SCGB2B2: variants seen among roughly 807,000 people sequenced by gnomAD.
SCGB2B2 encodes the protein secretoglobin family 2B member 2, also known as secretoglobin-like protein.
SCGB2B2 carries 11 observed loss-of-function variants against 7.6 expected under a neutral mutation model. The ratio of observed to expected loss-of-function variants is 1.45; its 90% CI spans 0.91 to 2.40. SCGB2B2 has a LOEUF of 2.40. Among genes scored for constraint, SCGB2B2 ranks in the 30% most tolerant of loss-of-function variants. The pLI is 0.00. For missense variants in SCGB2B2, 104 were observed against 115.4 expected (o/e 0.90, Z 0.45); for synonymous variants, 50 against 48.6 (o/e 1.03, Z -0.12).
intron 1 of SCGB2B2, among the ~76,000 whole-genome samples, chr19:34,637,066 T>G (rs1238078984): frequency 6.6e-6 from 1 of 152,126 alleles, no homozygotes; most frequent in Non-Finnish European, 1.5e-5. Flanking sequence ...AACAGCCCAG[T>G]GGTCCCTGAA....
intron 1 of SCGB2B2, among the ~76,000 whole-genome samples, chr19:34,647,062 A>T (rs1269314699): frequency 6.6e-6 from 1 of 151,268 alleles, no homozygotes; most frequent in Non-Finnish European, 1.5e-5. Context: ...AGGCTGGGAA[A>T]CCTTGCCCTC....
At chr19:34,635,104 GC>G in intron 1 of SCGB2B2, 2 of 278,792 alleles carry the variant, frequency 7.2e-6, no homozygotes, top group Non-Finnish European at 1.5e-5. Flanking sequence ...ATAAGGCTTT[GC>G]CCCAGTGTGA....
At chr19:34,587,192 G>A (rs2065204155), downstream of SCGB2B2, among the ~76,000 whole-genome samples, 1 of 152,134 alleles carries the variant, frequency 6.6e-6, no homozygotes, top group Admixed American at 6.5e-5. Flanking sequence ...ACAGGTGTGA[G>A]CCACCACACC....
At chr19:34,606,667 T>C (rs954601263) in intron 1 of SCGB2B2, among the ~76,000 whole-genome samples, 3 of 152,082 alleles carry the variant, frequency 2.0e-5, no homozygotes, top group African/African-American at 7.2e-5. Flanking sequence ...GGCAGTACAA[T>C]AAGAATTTTC....
chr19:34,630,356 T>C (rs1352145895), intron 1 of SCGB2B2, among the ~76,000 whole-genome samples: 4 of 151,842 alleles, frequency 2.6e-5, no homozygotes, highest in Admixed American at 6.6e-5. Context: ...ATTTTTGCAA[T>C]CTACTCATCT....
chr19:34,615,500 C>T (rs2145864833), intron 1 of SCGB2B2, among the ~76,000 whole-genome samples: 1 of 148,338 alleles, frequency 6.7e-6, no homozygotes, highest in Middle Eastern at 3.5e-3. Flanking sequence ...ATTAGAGTTT[C>T]TGTGACTTTT....
intron 1 of SCGB2B2, among the ~76,000 whole-genome samples, chr19:34,641,696 C>G (rs573161078): frequency 2.0e-3 from 308 of 152,180 alleles, no homozygotes; most frequent in African/African-American, 7.0e-3. Flanking sequence ...TAGGTTTGAC[C>G]AACTCTTGGC....
intron 1 of SCGB2B2, among the ~76,000 whole-genome samples, chr19:34,672,571 T>C (rs955368330): frequency 9.2e-5 from 14 of 152,244 alleles, no homozygotes; most frequent in African/African-American, 3.4e-4. Context: ...GTATCCATCT[T>C]TATCCCTTGG....
intron 1 of SCGB2B2, among the ~76,000 whole-genome samples, chr19:34,658,767 C>T (rs2067356525): frequency 7.0e-6 from 1 of 143,058 alleles, no homozygotes; most frequent in African/African-American, 2.7e-5. Context: ...CAGCATCATC[C>T]TGATACCAAA....
At chr19:34,664,669 C>G (rs534058649) in intron 1 of SCGB2B2, among the ~76,000 whole-genome samples, 3 of 152,298 alleles carry the variant, frequency 2.0e-5, no homozygotes, top group Admixed American at 2.0e-4. Context: ...ACTGTTCCAG[C>G]AAACTCCTTG....
At chr19:34,634,989 C>T (rs769255767) in intron 1 of SCGB2B2, 4 of 284,038 alleles carry the variant, frequency 1.4e-5, no homozygotes, top group Non-Finnish European at 2.2e-5. Flanking sequence ...GGCTAAAAAC[C>T]TTCCCACATT....
intron 1 of SCGB2B2, among the ~76,000 whole-genome samples, chr19:34,639,618 C>T (rs2145996132): frequency 6.6e-6 from 1 of 152,286 alleles, no homozygotes; most frequent in South Asian, 2.1e-4. Flanking sequence ...TCCCACTGAA[C>T]TTTGTTCAGG....
At chr19:34,666,021 C>T (rs570011980) in intron 1 of SCGB2B2, among the ~76,000 whole-genome samples, 11 of 152,238 alleles carry the variant, frequency 7.2e-5, no homozygotes, top group African/African-American at 2.6e-4. Context: ...CCCCTGCGGC[C>T]CTCCTGGAGC....
intron 1 of SCGB2B2, among the ~76,000 whole-genome samples, chr19:34,650,981 C>T (rs1476813609): frequency 6.6e-6 from 1 of 151,204 alleles, no homozygotes; most frequent in Non-Finnish European, 1.5e-5. Context: ...CACACTACAC[C>T]AACAGAATGA....
chr19:34,593,328 C>G lies in SCGB2B2; in HGVS notation c.*227G>C. The G allele has an allele frequency of 4.1e-6, 2 of 493,342 alleles. No individual in the cohort carries two copies. Among genetic ancestry groups the G allele is most frequent in the Non-Finnish European group, 7.3e-6 (2 of 275,610 alleles). The allele number at this position is 493,342 out of a possible 1,614,324, so 30.6% of individuals were successfully genotyped here. A position where few individuals can be genotyped will look rare whatever the true frequency, so the allele number is the denominator to read the frequency against. Reference sequence around the variant, plus strand: ...CCCGCCAAAAAGAAAACAGGCATGTCTATGCTACACCTGTAGAGTTTTTCC... The same window carrying G: ...CCCGCCAAAAAGAAAACAGGCATGTGTATGCTACACCTGTAGAGTTTTTCC... On this transcript the variant is annotated 3_prime_UTR_variant, in exon 4 of 4. Coordinates refer to ENST00000601241, the MANE Select transcript of SCGB2B2 (RefSeq NM_001025591.4).
rs146962012 is a variant in SCGB2B2, at chr19:34,661,737, C to T, written c.-2032+13893G>A. On this transcript the variant is annotated intron_variant, in intron 1 of 3. Transcript: ENST00000601241. ...TCTTAAACCAAGCTTGTCCAACCTGCGGCCTGCAGGCCCCATGCAGCCCAG... is the reference window on the plus strand; with the variant it reads ...TCTTAAACCAAGCTTGTCCAACCTGTGGCCTGCAGGCCCCATGCAGCCCAG... Among the ~76,000 whole-genome samples the T allele has an allele frequency of 9.9e-4, 151 of 152,250 alleles. 1 individual carries two copies. The East Asian group carries it at 0.027, about 27-fold the overall frequency.
At chr19:34,634,237 A>G (rs1366252095) in intron 1 of SCGB2B2, among the ~76,000 whole-genome samples, 1 of 152,170 alleles carries the variant, frequency 6.6e-6, no homozygotes, top group African/African-American at 2.4e-5. Context: ...CACATGCAGT[A>G]TGTGAATGTA....
chr19:34,637,999 T>A (rs939581323), intron 1 of SCGB2B2: 1 of 152,208 alleles, frequency 6.6e-6, no homozygotes, highest in Non-Finnish European at 1.5e-5. Flanking sequence ...TGCTGGGGCA[T>A]CCCTGGAGAA....
At chr19:34,661,551 A>G (rs1233380425) in intron 1 of SCGB2B2, among the ~76,000 whole-genome samples, 1 of 152,258 alleles carries the variant, frequency 6.6e-6, no homozygotes, top group African/African-American at 2.4e-5. Flanking sequence ...GAACTAAGTA[A>G]AGCTTTAGTG....
Sources: gnomAD v4.1 joint callset for allele counts (sites outside exome capture counted in the v4.1 genomes callset) on GRCh38, gnomAD v4.1.1 for gene constraint, MANE v1.5 for transcripts, NCBI Gene and HGNC (gene_info 2026-07-23, HGNC 2026-07-21) for gene names.